RALY: variants seen among roughly 807,000 people sequenced by gnomAD.
RALY encodes RALY heterogeneous nuclear ribonucleoprotein.
In RALY, 15 loss-of-function variants were observed where a neutral mutation model predicts 30.7. That is an observed-to-expected ratio of 0.49 (90% confidence interval 0.33 to 0.75). The LOEUF (loss-of-function observed/expected upper bound fraction) is 0.75. Ranked by LOEUF, RALY falls within the 30% of genes least tolerant of loss-of-function variation. The pLI, the probability that RALY is intolerant of heterozygous loss-of-function variation, is 0.02. For synonymous variants in RALY, 177 were observed against 170.8 expected (o/e 1.04, Z -0.28); for missense variants, 339 against 414.3 (o/e 0.82, Z 1.58).
intron 1 of RALY, among the ~76,000 whole-genome samples, chr20:34,019,924 A>G (rs1256161082): frequency 1.3e-5 from 2 of 151,844 alleles, no homozygotes; most frequent in African/African-American, 4.8e-5. Context: ...AGCCGGGCGT[A>G]GTGGTGGGCG....
chr20:34,068,398 T>C (rs914468379), intron 2 of RALY, among the ~76,000 whole-genome samples: 2 of 152,096 alleles, frequency 1.3e-5, no homozygotes, highest in Non-Finnish European at 2.9e-5. Context: ...GGGTGTTTGG[T>C]TGAAAGATTA....
chr20:33,998,244 G>T (rs575417584), intron 1 of RALY, among the ~76,000 whole-genome samples: 2 of 152,320 alleles, frequency 1.3e-5, no homozygotes, highest in South Asian at 4.1e-4. Context: ...CACCAGGAGA[G>T]CACAGAAAAA....
chr20:34,074,071 C>A (rs1456078301), intron 5 of RALY, among the ~76,000 whole-genome samples: 2 of 152,222 alleles, frequency 1.3e-5, no homozygotes, highest in African/African-American at 4.8e-5. Flanking sequence ...CCATACAACA[C>A]TGTCTGCCAT....
chr20:34,056,465 C>G (rs962132605), intron 2 of RALY, among the ~76,000 whole-genome samples: 2 of 152,226 alleles, frequency 1.3e-5, no homozygotes, highest in African/African-American at 4.8e-5. Flanking sequence ...GTTTTCACCA[C>G]TGACTGGACT....
intron 1 of RALY, among the ~76,000 whole-genome samples, chr20:34,016,976 C>T (rs770640010): frequency 1.3e-5 from 2 of 152,272 alleles, no homozygotes; most frequent in African/African-American, 2.4e-5. Context: ...GAATGATTAC[C>T]GTGAAATGGA....
chr20:34,082,051 A>G lies in RALY; in HGVS notation c.*2146A>G, dbSNP rs2122355417. On this transcript the variant is annotated 3_prime_UTR_variant, in exon 10 of 10. Transcript: ENST00000246194. ...CTGGGCCTTGGCCCAGCTTAGTCAA[A>G]TCAAAAGGCTTCTATTTGGAGAGCT... The G allele has an allele frequency of 6.6e-6, 1 of 152,442 alleles. No individual in the cohort carries two copies. Among genetic ancestry groups the G allele is most frequent in the Admixed American group, 6.5e-5 (1 of 15,308 alleles). The allele number at this position is 152,442 out of a possible 1,614,324, so 9.4% of individuals were successfully genotyped here.
At position 34,082,056 on chromosome 20, in the gene RALY, A is replaced by AAGGCTTCT. The variant is rs2034038923; in HGVS notation, c.*2153_*2160dup. The AAGGCTTCT allele has an allele frequency of 6.6e-6, 1 of 152,316 alleles. No homozygotes were observed. Among genetic ancestry groups the AAGGCTTCT allele is most frequent in the Non-Finnish European group, 1.5e-5 (1 of 68,122 alleles). The allele number at this position is 152,316 out of a possible 1,614,324, so 9.4% of individuals were successfully genotyped here. A position where few individuals can be genotyped will look rare whatever the true frequency, so the allele number is the denominator to read the frequency against. On this transcript the variant is annotated 3_prime_UTR_variant, in exon 10 of 10. Transcript: ENST00000246194. ...CCTTGGCCCAGCTTAGTCAAATCAA[A>AAGGCTTCT]AGGCTTCTATTTGGAGAGCTGAAGA...
intron 9 of RALY, 33 bp downstream of exon 9, chr20:34,078,586 G>C (rs540586744): frequency 1.3e-6 from 2 of 1,512,894 alleles, no homozygotes; most frequent in Non-Finnish European, 1.8e-6. Flanking sequence ...GGCAGAGGGT[G>C]GGGAATCAGT....
intron 2 of RALY, among the ~76,000 whole-genome samples, chr20:34,035,114 C>G (rs1334623288): frequency 7.5e-6 from 1 of 133,280 alleles, no homozygotes; most frequent in Non-Finnish European, 1.6e-5. Flanking sequence ...GATTGCGCCA[C>G]TCTACTCCAG....
intron 2 of RALY, among the ~76,000 whole-genome samples, chr20:34,042,021 C>T (rs2123137099): frequency 6.6e-6 from 1 of 152,238 alleles, no homozygotes; most frequent in East Asian, 1.9e-4. Flanking sequence ...GGGAGGATTG[C>T]TTGAGCGCGG....
intron 1 of RALY, among the ~76,000 whole-genome samples, chr20:34,028,203 T>C (rs1316064839): frequency 6.6e-6 from 1 of 151,704 alleles, no homozygotes; most frequent in Non-Finnish European, 1.5e-5. Flanking sequence ...GGAGAATCGC[T>C]TGAAACCAGG....
intron 1 of RALY, chr20:34,017,355 A>G (rs370978153): frequency 6.6e-6 from 1 of 152,326 alleles, no homozygotes; most frequent in Admixed American, 6.5e-5. Flanking sequence ...TGCTATTAAT[A>G]CATTTCTGAG....
intron 1 of RALY, among the ~76,000 whole-genome samples, chr20:34,004,280 A>G (rs758920865): frequency 6.6e-6 from 1 of 152,224 alleles, no homozygotes; most frequent in Non-Finnish European, 1.5e-5. Flanking sequence ...GTCCAGGACC[A>G]TTTTAATTTC....
intron 5 of RALY, among the ~76,000 whole-genome samples, chr20:34,074,131 G>A (rs570750039): frequency 1.7e-4 from 26 of 152,258 alleles, no homozygotes; most frequent in Admixed American, 8.5e-4. Context: ...CAAGGAGACC[G>A]TACAGCCAAG....
At chr20:34,065,340 G>A (rs766415366) in intron 2 of RALY, among the ~76,000 whole-genome samples, 1 of 152,222 alleles carries the variant, frequency 6.6e-6, no homozygotes, top group African/African-American at 2.4e-5. Flanking sequence ...AGACAAGAAG[G>A]CCTAGGGAAG....
intron 1 of RALY, among the ~76,000 whole-genome samples, chr20:34,011,895 A>G (rs2031412801): frequency 6.6e-6 from 1 of 152,054 alleles, no homozygotes; most frequent in Admixed American, 6.5e-5. Flanking sequence ...ATGAAACCCC[A>G]TCTCTACCAA....
intron 2 of RALY, among the ~76,000 whole-genome samples, chr20:34,069,939 G>A (rs546796110): frequency 3.3e-5 from 5 of 152,244 alleles, no homozygotes; most frequent in African/African-American, 1.2e-4. Flanking sequence ...ATATCCATTG[G>A]GTTCACTTTA....
chr20:34,031,054 C>G (rs530138175), intron 1 of RALY, among the ~76,000 whole-genome samples: 85 of 60,888 alleles, frequency 1.4e-3, no homozygotes, highest in African/African-American at 5.7e-3. Flanking sequence ...TTCCTCCCCC[C>G]CTTTTTTTGA....
intron 1 of RALY, among the ~76,000 whole-genome samples, chr20:34,025,744 C>T (rs192155117): frequency 5.9e-5 from 9 of 151,824 alleles, no homozygotes; most frequent in Admixed American, 2.6e-4. Context: ...CTGTTAAAAT[C>T]GTCTTCGGTC....
Sources: allele counts gnomAD v4.1 joint callset (sites outside exome capture counted in the v4.1 genomes callset), GRCh38; gene constraint gnomAD v4.1.1; transcripts MANE v1.5; gene names NCBI Gene and HGNC (gene_info 2026-07-23, HGNC 2026-07-21).